The following PAH variants were observed in gnomAD, a reference collection of about 807,000 sequenced individuals.
PAH encodes the protein phenylalanine hydroxylase.
In PAH, 64 loss-of-function variants were observed where a neutral mutation model predicts 62.0. The observed-to-expected ratio is 1.03, with a 90% CI of 0.84 to 1.27. The LOEUF (loss-of-function observed/expected upper bound fraction) is 1.27, where lower values mean the gene tolerates loss of function less well. PAH is among the 50% of genes most tolerant of loss of function. The probability of loss-of-function intolerance (pLI) is 0.00; values close to 1 mark genes in which losing one functional copy is unlikely to be tolerated. For missense variants in PAH, 579 were observed against 542.8 expected, an observed-to-expected ratio of 1.07 and a Z score of -0.66; for synonymous variants, 195 against 196.2, an observed-to-expected ratio of 0.99 and a Z score of 0.05.
intron 2 of PAH, among the ~76,000 whole-genome samples, chr12:102,898,697 G>C (rs1270392208): frequency 6.6e-6 from 1 of 152,192 alleles, no homozygotes; most frequent in Admixed American, 6.5e-5. Flanking sequence ...TAAAATCAGA[G>C]ATGAAGGTGC....
chr12:102,847,134 G>A (rs1874888122), intron 8 of PAH, 183 bp from the exon 9 acceptor site: 4 of 635,416 alleles, frequency 6.3e-6, no homozygotes, highest in South Asian at 5.3e-5. Context: ...CTCCAGGGTA[G>A]GGGGATCCTT....
intron 3 of PAH, among the ~76,000 whole-genome samples, chr12:102,888,372 T>C (rs973628853): frequency 6.6e-6 from 1 of 151,924 alleles, no homozygotes; most frequent in Non-Finnish European, 1.5e-5. Flanking sequence ...TAATACTATG[T>C]TTGCTTTAGC....
intron 9 of PAH, 106 bp downstream of exon 9, chr12:102,846,789 T>G: frequency 1.1e-6 from 1 of 884,298 alleles, no homozygotes; most frequent in Non-Finnish European, 1.9e-6. Context: ...CATTCTGATT[T>G]TTTTCCCCAG....
At chr12:102,950,912 G>C (rs763665921), upstream of PAH, 1 of 150,528 alleles carries the variant, frequency 6.6e-6, no homozygotes, top group East Asian at 1.9e-4. Flanking sequence ...AATGCCGTCT[G>C]ACCCGGTGAA....
chr12:102,948,920 A>G (rs1879615032), intron 1 of PAH, among the ~76,000 whole-genome samples: 1 of 152,196 alleles, frequency 6.6e-6, no homozygotes, highest in African/African-American at 2.4e-5. Flanking sequence ...ACGATGCTCT[A>G]TGGTTGAACC....
At chr12:102,927,116 A>G (rs562523542) in intron 1 of PAH, among the ~76,000 whole-genome samples, 5 of 152,228 alleles carry the variant, frequency 3.3e-5, no homozygotes, top group Admixed American at 3.3e-4. Flanking sequence ...GAGAAGGCTC[A>G]GCCATTGATA....
intron 1 of PAH, among the ~76,000 whole-genome samples, chr12:102,933,189 T>G (rs1018507589): frequency 1.3e-5 from 2 of 152,192 alleles, no homozygotes; most frequent in Non-Finnish European, 2.9e-5. Context: ...TTCAATCTTT[T>G]TAATTTTTAG....
intron 5 of PAH, among the ~76,000 whole-genome samples, chr12:102,856,877 T>TG (rs1418037081): frequency 1.3e-5 from 2 of 151,964 alleles, no homozygotes; most frequent in South Asian, 2.1e-4. Context: ...ACCACAAAGA[T>TG]GGGGAAAAAA....
In PAH at chr12:102,851,642, A is replaced by G. The variant is rs781151957; in HGVS notation, c.912+45T>C. The G allele has an allele frequency of 5.3e-6, 8 of 1,520,194 alleles. No homozygotes were observed. In the African/African-American group the frequency reaches 5.5e-5, roughly 10 times the overall value. The allele number at this position is 1,520,194 out of a possible 1,614,324, so 94.2% of individuals were successfully genotyped here. A position where few individuals can be genotyped will look rare whatever the true frequency, so the allele number is the denominator to read the frequency against. ...TGGGCTCAACTCATTTGAGAAATTC[A>G]GGTCACAGACCTATAACTAGAAGGC... On this transcript the variant is annotated intron_variant, in intron 8 of 12. Coordinates refer to ENST00000553106, the MANE Select transcript of PAH (RefSeq NM_000277.3).
intron 3 of PAH, among the ~76,000 whole-genome samples, chr12:102,882,051 G>A (rs954731577): frequency 6.6e-6 from 1 of 152,140 alleles, no homozygotes; most frequent in African/African-American, 2.4e-5. Flanking sequence ...TTTCCATAAT[G>A]GCTGTGCCAA....
intron 1 of PAH, among the ~76,000 whole-genome samples, chr12:102,933,649 G>A (rs1220411848): frequency 1.3e-5 from 2 of 152,154 alleles, no homozygotes; most frequent in Non-Finnish European, 2.9e-5. Flanking sequence ...TAACTGGGGT[G>A]AGATGATATT....
chr12:102,910,365 G>A (rs17842946), intron 2 of PAH, among the ~76,000 whole-genome samples: 22,900 of 150,720 alleles, frequency 0.15, 2,342 homozygotes, highest in African/African-American at 0.26. Context: ...CAACCTCCTT[G>A]AAATTCCTTT....
chr12:102,932,043 G>A (rs1390743399), intron 1 of PAH, among the ~76,000 whole-genome samples: 2 of 152,118 alleles, frequency 1.3e-5, no homozygotes, highest in African/African-American at 4.8e-5. Context: ...GTGATGTTAG[G>A]AAAGGGGTTT....
intron 7 of PAH, chr12:102,852,061 T>C (rs1875176527): frequency 5.2e-5 from 20 of 385,866 alleles, no homozygotes; most frequent in South Asian, 4.7e-4. Flanking sequence ...CATGCTCCCA[T>C]ATACCTAAGT....
intron 5 of PAH, among the ~76,000 whole-genome samples, chr12:102,863,655 G>A (rs1875828303): frequency 6.6e-6 from 1 of 152,152 alleles, no homozygotes; most frequent in Admixed American, 6.6e-5. Context: ...CCCTCTCCAA[G>A]AGAAATGAGG....
At chr12:102,845,320 GT>G (rs1262683135) in intron 9 of PAH, among the ~76,000 whole-genome samples, 1 of 152,120 alleles carries the variant, frequency 6.6e-6, no homozygotes, top group Non-Finnish European at 1.5e-5. Context: ...CATCTCTTTT[GT>G]TTTTTTCTCT....
At chr12:102,915,477 C>A (rs781478018) in intron 1 of PAH, among the ~76,000 whole-genome samples, 7 of 152,180 alleles carry the variant, frequency 4.6e-5, no homozygotes, top group Non-Finnish European at 1.0e-4. Flanking sequence ...TTGCTATGGA[C>A]ATAATATGGG....
At chr12:102,894,101 C>G (rs1301954600) in intron 3 of PAH, among the ~76,000 whole-genome samples, 1 of 152,122 alleles carries the variant, frequency 6.6e-6, no homozygotes, top group Admixed American at 6.5e-5. Flanking sequence ...TCCATTCAAT[C>G]ATCTTGAGTT....
At chr12:102,884,265 C>G (rs1389749146) in intron 3 of PAH, among the ~76,000 whole-genome samples, 1 of 152,192 alleles carries the variant, frequency 6.6e-6, no homozygotes, top group Non-Finnish European at 1.5e-5. Flanking sequence ...GGGAGAGGCA[C>G]CTGGGTGCTG....
Sources: gnomAD v4.1 joint callset for allele counts (sites outside exome capture counted in the v4.1 genomes callset) on GRCh38, gnomAD v4.1.1 for gene constraint, MANE v1.5 for transcripts, NCBI Gene and HGNC (gene_info 2026-07-23, HGNC 2026-07-21) for gene names.